The following SLC24A3 variants were observed in gnomAD, a reference collection of about 807,000 sequenced individuals.
SLC24A3 encodes the protein sodium/potassium/calcium exchanger 3.
SLC24A3 carries 28 observed loss-of-function variants against 75.8 expected under a neutral mutation model. The ratio of observed to expected loss-of-function variants is 0.37; its 90% confidence interval spans 0.27 to 0.51. The LOEUF (loss-of-function observed/expected upper bound fraction) is 0.51. Among genes scored for constraint, SLC24A3 ranks in the 20% least tolerant of loss-of-function variants. SLC24A3 has a pLI of 0.94. For missense variants in SLC24A3, 663 were observed against 847.8 expected, an observed-to-expected ratio of 0.78 and a Z score of 2.71; for synonymous variants, 372 against 334.1, an observed-to-expected ratio of 1.11 and a Z score of -1.24.
At chr20:19,565,080 A>G (rs1343811389) in intron 3 of SLC24A3, among the ~76,000 whole-genome samples, 1 of 152,220 alleles carries the variant, frequency 6.6e-6, no homozygotes, top group African/African-American at 2.4e-5. Flanking sequence ...TGCTGGGATT[A>G]CATCGTGTGC....
chr20:19,291,868 C>T (rs1045334867), intron 2 of SLC24A3, among the ~76,000 whole-genome samples: 2 of 152,318 alleles, frequency 1.3e-5, no homozygotes, highest in South Asian at 4.1e-4. Context: ...GGGACAGGCT[C>T]TGGAAGGAGC....
intron 6 of SLC24A3, among the ~76,000 whole-genome samples, chr20:19,633,580 C>T (rs1239084108): frequency 1.5e-5 from 2 of 132,960 alleles, no homozygotes; most frequent in Non-Finnish European, 3.1e-5. Flanking sequence ...ACCCGGGAGG[C>T]GGAGCTTGCA....
intron 2 of SLC24A3, among the ~76,000 whole-genome samples, chr20:19,502,540 A>G (rs1213419861): frequency 6.6e-6 from 1 of 152,070 alleles, no homozygotes; most frequent in Non-Finnish European, 1.5e-5. Flanking sequence ...CAGGCCTAAA[A>G]TTACCACAAA....
intron 1 of SLC24A3, among the ~76,000 whole-genome samples, chr20:19,252,661 C>G (rs1325774128): frequency 6.8e-6 from 1 of 147,518 alleles, no homozygotes; most frequent in African/African-American, 2.5e-5. Context: ...GGTGCCTGTT[C>G]CAGAAACTCC....
intron 2 of SLC24A3, among the ~76,000 whole-genome samples, chr20:19,330,818 G>T (rs1044844480): frequency 6.6e-6 from 1 of 152,228 alleles, no homozygotes; most frequent in Non-Finnish European, 1.5e-5. Context: ...ACAGCACCTT[G>T]ACTGAAACTT....
At chr20:19,687,091 G>A (rs2032685319) in intron 12 of SLC24A3, among the ~76,000 whole-genome samples, 1 of 152,164 alleles carries the variant, frequency 6.6e-6, no homozygotes, top group Non-Finnish European at 1.5e-5. Context: ...TTACAGTTCT[G>A]TAGGTCAGAA....
At chr20:19,287,066 T>A (rs1428741801) in intron 2 of SLC24A3, among the ~76,000 whole-genome samples, 1 of 152,252 alleles carries the variant, frequency 6.6e-6, no homozygotes, top group Non-Finnish European at 1.5e-5. Context: ...GCTGAATTAT[T>A]TAGATAGGGT....
At chr20:19,482,188 A>C (rs1335581263) in intron 2 of SLC24A3, among the ~76,000 whole-genome samples, 1 of 152,120 alleles carries the variant, frequency 6.6e-6, no homozygotes, top group Admixed American at 6.5e-5. Context: ...GAAGACCAAC[A>C]CTTCAACCTG....
At chr20:19,315,214 C>T (rs941691186) in intron 2 of SLC24A3, among the ~76,000 whole-genome samples, 8 of 152,308 alleles carry the variant, frequency 5.3e-5, no homozygotes, top group African/African-American at 1.9e-4. Flanking sequence ...CTGTGCTGGG[C>T]AGACCTGATT....
At chr20:19,643,730 A>G (rs2032101904) in intron 6 of SLC24A3, among the ~76,000 whole-genome samples, 1 of 152,196 alleles carries the variant, frequency 6.6e-6, no homozygotes, top group East Asian at 1.9e-4. Context: ...CCTGGTAGGT[A>G]TTCACTTCCA....
At chr20:19,325,287 T>A (rs6045998) in intron 2 of SLC24A3, among the ~76,000 whole-genome samples, 18 of 150,814 alleles carry the variant, frequency 1.2e-4, no homozygotes, top group South Asian at 6.3e-4. Flanking sequence ...AATAATAATA[T>A]TAATAATAAT....
At chr20:19,235,619 C>T (rs989273597) in intron 1 of SLC24A3, among the ~76,000 whole-genome samples, 3 of 152,188 alleles carry the variant, frequency 2.0e-5, no homozygotes, top group Non-Finnish European at 4.4e-5. Flanking sequence ...AAGTCCAGAT[C>T]TTGACACCTT....
At chr20:19,237,095 A>G (rs1014773357) in intron 1 of SLC24A3, among the ~76,000 whole-genome samples, 1 of 152,234 alleles carries the variant, frequency 6.6e-6, no homozygotes, top group Non-Finnish European at 1.5e-5. Context: ...GCAACACAAC[A>G]AACATTTGAT....
At chr20:19,460,470 C>A (rs1987651371) in intron 2 of SLC24A3, among the ~76,000 whole-genome samples, 1 of 152,104 alleles carries the variant, frequency 6.6e-6, no homozygotes, top group Non-Finnish European at 1.5e-5. Context: ...CCTGTAGCTG[C>A]CCAGATAGTG....
chr20:19,694,120 A>G (rs976928541), intron 13 of SLC24A3: 7 of 152,242 alleles, frequency 4.6e-5, no homozygotes, highest in Admixed American at 3.3e-4. Flanking sequence ...GTTGATTGAC[A>G]TTGACTGATA....
intron 2 of SLC24A3, among the ~76,000 whole-genome samples, chr20:19,340,501 C>T (rs1985247472): frequency 6.6e-6 from 1 of 152,186 alleles, no homozygotes; most frequent in Non-Finnish European, 1.5e-5. Context: ...TTGACAGCAT[C>T]CCTAGCAAAC....
intron 2 of SLC24A3, among the ~76,000 whole-genome samples, chr20:19,425,418 A>G (rs999101983): frequency 6.6e-6 from 1 of 152,144 alleles, no homozygotes; most frequent in Non-Finnish European, 1.5e-5. Context: ...TCATCCGTTA[A>G]GAGTACAGGC....
At chr20:19,487,296 C>G (rs1988143681) in intron 2 of SLC24A3, among the ~76,000 whole-genome samples, 1 of 152,124 alleles carries the variant, frequency 6.6e-6, no homozygotes, top group South Asian at 2.1e-4. Context: ...TGTTTCCTTC[C>G]AAGAGCACAA....
intron 1 of SLC24A3, among the ~76,000 whole-genome samples, chr20:19,234,350 T>C (rs548365870): frequency 1.3e-5 from 2 of 152,322 alleles, no homozygotes; most frequent in East Asian, 3.9e-4. Context: ...AAAGAGAAGT[T>C]TGAGAAGCAC....
Sources: allele counts gnomAD v4.1 joint callset (sites outside exome capture counted in the v4.1 genomes callset), GRCh38; gene constraint gnomAD v4.1.1; transcripts MANE v1.5; gene names NCBI Gene and HGNC (gene_info 2026-07-23, HGNC 2026-07-21).